Variants in TENM3 observed in about 807,000 individuals in gnomAD.
TENM3 encodes teneurin-3.
TENM3 carries 63 observed loss-of-function variants against 255.1 expected under a neutral mutation model. That is an observed-to-expected ratio of 0.25 (90% confidence interval 0.20 to 0.30). The LOEUF is 0.30. Among genes scored for constraint, TENM3 ranks in the 10% least tolerant of loss-of-function variants. The pLI is 1.00. For synonymous variants in TENM3, 1,306 were observed against 1,322.3 expected, an observed-to-expected ratio of 0.99 and a Z score of 0.27; for missense variants, 2,929 against 3,461.1, an observed-to-expected ratio of 0.85 and a Z score of 3.86.
At chr4:182,170,459 C>T (rs1454681196) in intron 1 of TENM3, among the ~76,000 whole-genome samples, 1 of 152,084 alleles carries the variant, frequency 6.6e-6, no homozygotes, top group Non-Finnish European at 1.5e-5. Flanking sequence ...AATTGGTTTA[C>T]AAACCCTGCC....
At chr4:182,576,464 G>T (rs1325470437) in intron 3 of TENM3, among the ~76,000 whole-genome samples, 1 of 152,182 alleles carries the variant, frequency 6.6e-6, no homozygotes, top group African/African-American at 2.4e-5. Context: ...GTCCTGTGTA[G>T]AGTTCTAAAA....
the TENM3 span, among the ~76,000 whole-genome samples, chr4:182,006,981 A>G: frequency 6.6e-6 from 1 of 152,112 alleles, no homozygotes; most frequent in African/African-American, 2.4e-5. Context: ...TAATTTCATC[A>G]TTTACCCAGG....
chr4:182,766,210 A>C (rs1268706644), intron 22 of TENM3, among the ~76,000 whole-genome samples: 1 of 152,058 alleles, frequency 6.6e-6, no homozygotes, highest in African/African-American at 2.4e-5. Context: ...CCATGGAATA[A>C]ATCCAGGAGG....
chr4:182,424,310 A>G (rs1255276321), intron 3 of TENM3, among the ~76,000 whole-genome samples: 2 of 152,198 alleles, frequency 1.3e-5, no homozygotes, highest in Non-Finnish European at 2.9e-5. Flanking sequence ...AAATTTGAGC[A>G]TTAAAGTACC....
At chr4:181,770,930 A>T in the TENM3 span, among the ~76,000 whole-genome samples, 1 of 152,180 alleles carries the variant, frequency 6.6e-6, no homozygotes, top group Non-Finnish European at 1.5e-5. Flanking sequence ...CCTCATGATC[A>T]TCCTTTGAGG....
At chr4:181,477,591 A>G in the TENM3 span, among the ~76,000 whole-genome samples, 2 of 152,180 alleles carry the variant, frequency 1.3e-5, no homozygotes, top group Non-Finnish European at 2.9e-5. Flanking sequence ...AGGTCACCCA[A>G]TATATGACCT....
the TENM3 span, chr4:181,975,976 A>G: frequency 2.9e-3 from 437 of 152,338 alleles, 5 homozygotes; most frequent in Middle Eastern, 0.01. Context: ...TAGTAGGCTC[A>G]GGCATTCCTT....
chr4:182,059,745 C>CAAAAAAAAAAAAAAAAAAAAAA, the TENM3 span, among the ~76,000 whole-genome samples: 1 of 43,184 alleles, frequency 2.3e-5, no homozygotes, highest in African/African-American at 9.6e-5. Context: ...TCTGTCTCTA[C>CAAAAAAAAAAAAAAAAAAAAAA]AAAAAAAAAA....
chr4:181,661,904 G>GT, the TENM3 span, among the ~76,000 whole-genome samples: 1 of 71,262 alleles, frequency 1.4e-5, no homozygotes, highest in Non-Finnish European at 3.0e-5. Flanking sequence ...CTGGCAGTTT[G>GT]TAAAAAAAAA....
chr4:182,648,783 A>G (rs1752992434), intron 5 of TENM3, among the ~76,000 whole-genome samples: 1 of 151,952 alleles, frequency 6.6e-6, no homozygotes, highest in Admixed American at 6.6e-5. Flanking sequence ...AGTTGATTTT[A>G]CCTGCCTTTG....
intron 24 of TENM3, among the ~76,000 whole-genome samples, chr4:182,779,937 T>C (rs936371578): frequency 1.5e-4 from 23 of 151,984 alleles, no homozygotes; most frequent in Non-Finnish European, 2.7e-4. Context: ...TTGAGTTCAT[T>C]GTAGATTCTG....
At chr4:181,788,532 C>A in the TENM3 span, among the ~76,000 whole-genome samples, 1 of 152,120 alleles carries the variant, frequency 6.6e-6, no homozygotes, top group African/African-American at 2.4e-5. Context: ...GATGGAAACC[C>A]ACACAATGTA....
intron 1 of TENM3, among the ~76,000 whole-genome samples, chr4:182,217,097 T>TG (rs1359542829): frequency 7.9e-6 from 1 of 126,986 alleles, no homozygotes; most frequent in East Asian, 2.7e-4. Flanking sequence ...CTCGGCTCAC[T>TG]GCAACCTCTG....
At chr4:182,174,759 A>G (rs527701137) in intron 1 of TENM3, among the ~76,000 whole-genome samples, 28 of 152,330 alleles carry the variant, frequency 1.8e-4, no homozygotes, top group Admixed American at 5.9e-4. Flanking sequence ...TTAATGAAAG[A>G]TGCTTATTTC....
chr4:181,911,545 C>T, the TENM3 span, among the ~76,000 whole-genome samples: 1 of 152,156 alleles, frequency 6.6e-6, no homozygotes, highest in South Asian at 2.1e-4. Flanking sequence ...GAGCAGCTGG[C>T]AGCCTGGGAT....
intron 6 of TENM3, among the ~76,000 whole-genome samples, chr4:182,664,530 C>T (rs1317429996): frequency 6.6e-6 from 1 of 152,182 alleles, no homozygotes; most frequent in Non-Finnish European, 1.5e-5. Context: ...TCACACGTCT[C>T]TCAGTTTAAG....
chr4:181,627,282 G>A, the TENM3 span, among the ~76,000 whole-genome samples: 1 of 152,176 alleles, frequency 6.6e-6, no homozygotes, highest in Non-Finnish European at 1.5e-5. Context: ...TTGATGTTGA[G>A]ATTGATAATA....
the TENM3 span, among the ~76,000 whole-genome samples, chr4:181,568,007 A>G: frequency 6.6e-6 from 1 of 152,164 alleles, no homozygotes; most frequent in Non-Finnish European, 1.5e-5. Context: ...CATATATTAC[A>G]TCAGAAAATA....
chr4:182,158,206 T>G (rs1750847289), intron 1 of TENM3, among the ~76,000 whole-genome samples: 2 of 152,204 alleles, frequency 1.3e-5, no homozygotes, highest in African/African-American at 4.8e-5. Flanking sequence ...GTTGCCAGAT[T>G]GTGAGATTTC....
Sources: allele counts gnomAD v4.1 joint callset (sites outside exome capture counted in the v4.1 genomes callset), GRCh38; gene constraint gnomAD v4.1.1; transcripts MANE v1.5; gene names NCBI Gene and HGNC (gene_info 2026-07-23, HGNC 2026-07-21).